Variants in KCNH7 observed in about 807,000 individuals in gnomAD.
The protein encoded by KCNH7 is voltage-gated inwardly rectifying potassium channel KCNH7.
KCNH7 carries 49 observed loss-of-function variants against 120.8 expected under a neutral mutation model. The observed-to-expected ratio is 0.41, with a 90% CI of 0.32 to 0.51. The LOEUF is 0.51. Ranked by LOEUF, KCNH7 falls within the 20% of genes least tolerant of loss-of-function variation. The pLI is 0.38. For missense variants in KCNH7, 1,097 were observed against 1,446.6 expected, an observed-to-expected ratio of 0.76 and a Z score of 3.92; for synonymous variants, 547 against 516.1, an observed-to-expected ratio of 1.06 and a Z score of -0.81.
intron 2 of KCNH7, among the ~76,000 whole-genome samples, chr2:162,692,629 A>G (rs1285133281): frequency 6.6e-6 from 1 of 152,036 alleles, no homozygotes; most frequent in Non-Finnish European, 1.5e-5. Context: ...TTTTTCCTCT[A>G]TTGATATTTT....
intron 13 of KCNH7, 34 bp from the exon 14 acceptor site, chr2:162,380,055 T>A (rs1164026077): frequency 6.2e-7 from 1 of 1,608,698 alleles, no homozygotes; most frequent in Non-Finnish European, 8.5e-7. Flanking sequence ...GTCAACACTC[T>A]TAGGTGCCCC....
At chr2:162,497,722 C>T (rs1223836535) in intron 6 of KCNH7, among the ~76,000 whole-genome samples, 1 of 152,134 alleles carries the variant, frequency 6.6e-6, no homozygotes, top group Non-Finnish European at 1.5e-5. Context: ...AGCTTAATTT[C>T]TTCTCTATGA....
chr2:162,837,952 T>A (rs1363405351), intron 1 of KCNH7, among the ~76,000 whole-genome samples: 1 of 152,202 alleles, frequency 6.6e-6, no homozygotes, highest in African/African-American at 2.4e-5. Context: ...TTAGCTTCTA[T>A]AAATTAATAG....
chr2:162,516,391 A>G (rs999257807), intron 4 of KCNH7, among the ~76,000 whole-genome samples: 3 of 151,802 alleles, frequency 2.0e-5, no homozygotes, highest in Admixed American at 6.6e-5. Context: ...GAGACAAAGC[A>G]GGGAAGAGTA....
intron 2 of KCNH7, among the ~76,000 whole-genome samples, chr2:162,614,264 T>C (rs910109524): frequency 1.3e-5 from 2 of 152,096 alleles, no homozygotes; most frequent in Non-Finnish European, 2.9e-5. Flanking sequence ...CAAATTGCTA[T>C]AAAAGTTTTC....
chr2:162,517,248 A>G (rs920948516), intron 4 of KCNH7, among the ~76,000 whole-genome samples: 9 of 151,588 alleles, frequency 5.9e-5, no homozygotes, highest in African/African-American at 2.2e-4. Flanking sequence ...CATCCTACCT[A>G]CCTTGCACCC....
intron 2 of KCNH7, among the ~76,000 whole-genome samples, chr2:162,559,890 GT>G (rs1452794377): frequency 6.6e-6 from 1 of 152,196 alleles, no homozygotes; most frequent in Non-Finnish European, 1.5e-5. Flanking sequence ...TGTGAGCACA[GT>G]TTACAATGTA....
At chr2:162,472,516 A>G (rs1354644122) in intron 6 of KCNH7, among the ~76,000 whole-genome samples, 1 of 152,262 alleles carries the variant, frequency 6.6e-6, no homozygotes, top group East Asian at 1.9e-4. Flanking sequence ...CATCAGAGAA[A>G]TGCAAATCAA....
chr2:162,642,766 A>G (rs78472906), intron 2 of KCNH7, among the ~76,000 whole-genome samples: 3,402 of 152,306 alleles, frequency 0.022, 121 homozygotes, highest in East Asian at 0.18. Context: ...CAAAATCCAC[A>G]TCATCATGCA....
intron 2 of KCNH7, among the ~76,000 whole-genome samples, chr2:162,817,693 TC>T (rs1684963967): frequency 6.6e-6 from 1 of 152,270 alleles, no homozygotes; most frequent in Admixed American, 6.5e-5. Context: ...TACATGAGTC[TC>T]CGTTGCTCCA....
chr2:162,689,381 A>T (rs1206494781), intron 2 of KCNH7, among the ~76,000 whole-genome samples: 1 of 151,892 alleles, frequency 6.6e-6, no homozygotes, highest in Non-Finnish European at 1.5e-5. Context: ...CAAACTCTTG[A>T]CCTCAGGTGA....
At chr2:162,574,084 TA>T (rs1461843765) in intron 2 of KCNH7, among the ~76,000 whole-genome samples, 2 of 152,094 alleles carry the variant, frequency 1.3e-5, no homozygotes, top group Non-Finnish European at 2.9e-5. Context: ...TTTAATGATC[TA>T]AAATCACATA....
In KCNH7 at chr2:162,676,556, A is replaced by T. The variant is rs551143133; in HGVS notation, c.308-139476T>A. On this transcript the variant is annotated intron_variant, in intron 2 of 15. Transcript: ENST00000332142. ...TCTGAAAAGGGACAAAATAGAAAGA[A>T]CCAATTGAACCTTCCCTAGCAAACA... Among the ~76,000 whole-genome samples, 3 of 151,582 alleles carry T rather than the reference A, an allele frequency of 2.0e-5. No individual in the cohort carries two copies. The South Asian group carries it at 6.2e-4, about 31-fold the overall frequency.
At chr2:162,669,697 G>C (rs1025460259) in intron 2 of KCNH7, among the ~76,000 whole-genome samples, 2 of 152,164 alleles carry the variant, frequency 1.3e-5, no homozygotes, top group African/African-American at 4.8e-5. Flanking sequence ...CTAGTGAGTA[G>C]AGGTCAGGAA....
intron 2 of KCNH7, among the ~76,000 whole-genome samples, chr2:162,748,927 T>TTTCCCTTCC (rs1688435707): frequency 7.2e-5 from 2 of 27,842 alleles, no homozygotes; most frequent in Admixed American, 3.0e-4. Flanking sequence ...TTCCCTTTCC[T>TTTCCCTTCC]TTCCTTCCTT....
At chr2:162,726,294 T>A (rs1020520893) in intron 2 of KCNH7, among the ~76,000 whole-genome samples, 20 of 152,218 alleles carry the variant, frequency 1.3e-4, no homozygotes, top group African/African-American at 4.6e-4. Context: ...AAGTGTTTAT[T>A]TCCCTTTACT....
chr2:162,489,213 C>G (rs1690207564), intron 6 of KCNH7, among the ~76,000 whole-genome samples: 1 of 152,236 alleles, frequency 6.6e-6, no homozygotes, highest in South Asian at 2.1e-4. Flanking sequence ...ATACAACATG[C>G]TTGAAGTAGT....
chr2:162,827,073 A>G (rs1685311998), intron 2 of KCNH7, among the ~76,000 whole-genome samples: 1 of 152,114 alleles, frequency 6.6e-6, no homozygotes, highest in Non-Finnish European at 1.5e-5. Flanking sequence ...GGAGGAGCTC[A>G]GGGAAATAAG....
rs551545889 is a variant in KCNH7, at chr2:162,757,381, A to G, written c.307+79156T>C. Among the ~76,000 whole-genome samples the G allele has an allele frequency of 1.8e-3, 279 of 152,298 alleles. 1 individual carries two copies. The highest frequency in any genetic ancestry group is 6.5e-3 in the African/African-American group (269 of 41,574). Reference sequence around the variant, plus strand: ...TGACTACCCTTCAGATTCCTCCATTAGTCTATTTAATGAATTTTTCCCTTT... The same window carrying G: ...TGACTACCCTTCAGATTCCTCCATTGGTCTATTTAATGAATTTTTCCCTTT... On this transcript the variant is annotated intron_variant, in intron 2 of 15. Coordinates refer to ENST00000332142, the MANE Select transcript of KCNH7 (RefSeq NM_033272.4).
Sources: allele counts gnomAD v4.1 joint callset (sites outside exome capture counted in the v4.1 genomes callset), GRCh38; gene constraint gnomAD v4.1.1; transcripts MANE v1.5; gene names NCBI Gene and HGNC (gene_info 2026-07-23, HGNC 2026-07-21).